PTPRG: variants seen among roughly 807,000 people sequenced by gnomAD.
PTPRG encodes receptor-type tyrosine-protein phosphatase gamma.
Under a neutral mutation model 165.3 loss-of-function variants are expected in PTPRG, and 102 were observed. The observed-to-expected ratio is 0.62, with a 90% CI of 0.53 to 0.73. The LOEUF (loss-of-function observed/expected upper bound fraction) is 0.73. PTPRG is among the 30% of genes least tolerant of loss of function. The probability of loss-of-function intolerance (pLI) is 0.00; values close to 1 mark genes in which losing one functional copy is unlikely to be tolerated. For synonymous variants in PTPRG, 675 were observed against 669.5 expected (o/e 1.01, Z -0.13); for missense variants, 1,866 against 1,861.4 (o/e 1.00, Z -0.05).
intron 5 of PTPRG, among the ~76,000 whole-genome samples, chr3:62,127,179 CT>C (rs900766168): frequency 1.3e-5 from 2 of 152,200 alleles, no homozygotes; most frequent in African/African-American, 4.8e-5. Flanking sequence ...AGGCAGTGAT[CT>C]CTTTCTGGGT....
chr3:61,893,775 C>T (rs376639627), intron 2 of PTPRG, among the ~76,000 whole-genome samples: 37 of 152,234 alleles, frequency 2.4e-4, no homozygotes, highest in African/African-American at 8.2e-4. Flanking sequence ...GATTCTTGAG[C>T]GGGGGCATCC....
intron 1 of PTPRG, among the ~76,000 whole-genome samples, chr3:61,658,386 G>A (rs1309637234): frequency 6.6e-6 from 1 of 152,170 alleles, no homozygotes; most frequent in African/African-American, 2.4e-5. Flanking sequence ...TGGAGTCACA[G>A]TGGAGAGCCT....
At chr3:62,225,662 T>C (rs947685196) in intron 13 of PTPRG, among the ~76,000 whole-genome samples, 1 of 151,888 alleles carries the variant, frequency 6.6e-6, no homozygotes, top group East Asian at 1.9e-4. Context: ...AAAACCTTTT[T>C]TTTTTTTTTT....
At chr3:61,994,774 C>T (rs551951247) in intron 3 of PTPRG, among the ~76,000 whole-genome samples, 1 of 152,246 alleles carries the variant, frequency 6.6e-6, no homozygotes, top group Non-Finnish European at 1.5e-5. Context: ...GTCACTTCCA[C>T]ATGCTATTTC....
At chr3:61,620,668 A>G (rs1000692196) in intron 1 of PTPRG, among the ~76,000 whole-genome samples, 1 of 151,684 alleles carries the variant, frequency 6.6e-6, no homozygotes, top group East Asian at 1.9e-4. Flanking sequence ...CGCTCTTGTC[A>G]CCCAGGCTGG....
chr3:62,047,244 C>T (rs1311586038), intron 4 of PTPRG, among the ~76,000 whole-genome samples: 1 of 56,932 alleles, frequency 1.8e-5, no homozygotes, highest in African/African-American at 5.6e-5. Context: ...GCTGAGCTTC[C>T]TATTATTTAT....
At chr3:62,202,110 C>T (rs967355043) in intron 11 of PTPRG, among the ~76,000 whole-genome samples, 4 of 152,038 alleles carry the variant, frequency 2.6e-5, no homozygotes, top group Non-Finnish European at 5.9e-5. Context: ...CTGTTGTTCC[C>T]GTTTTACAGA....
chr3:61,676,832 C>T (rs1703250510), intron 1 of PTPRG, among the ~76,000 whole-genome samples: 1 of 152,036 alleles, frequency 6.6e-6, no homozygotes, highest in Non-Finnish European at 1.5e-5. Context: ...GAATGTGGAC[C>T]ACCAATTTCT....
intron 2 of PTPRG, among the ~76,000 whole-genome samples, chr3:61,939,510 T>C (rs2039560386): frequency 6.6e-6 from 1 of 152,220 alleles, no homozygotes; most frequent in African/African-American, 2.4e-5. Flanking sequence ...CTGAAGATTT[T>C]ATAAGATTGT....
intron 23 of PTPRG, 147 bp from the exon 24 acceptor site, chr3:62,275,726 G>C (rs1309798243): frequency 6.7e-6 from 4 of 596,256 alleles, no homozygotes; most frequent in East Asian, 3.0e-5. Context: ...CTGGGCAAGA[G>C]AGCAAGACCC....
chr3:62,086,016 A>G (rs544100167), intron 5 of PTPRG, among the ~76,000 whole-genome samples: 2 of 152,322 alleles, frequency 1.3e-5, no homozygotes, highest in African/African-American at 4.8e-5. Flanking sequence ...ATAATGCAAG[A>G]ATTATATCTT....
intron 1 of PTPRG, among the ~76,000 whole-genome samples, chr3:61,694,543 G>C (rs1233641585): frequency 1.3e-5 from 2 of 152,106 alleles, no homozygotes; most frequent in African/African-American, 4.8e-5. Flanking sequence ...CTGACTCAGT[G>C]ATCCCACTTC....
At position 62,237,349 on chromosome 3, in the gene PTPRG, A is replaced by G. The variant is rs970531053; in HGVS notation, c.2375+6038A>G. Among the ~76,000 whole-genome samples the G allele has an allele frequency of 2.0e-5, 3 of 152,146 alleles. No individual in the cohort carries two copies. The highest frequency in any genetic ancestry group is 2.0e-4 in the Admixed American group (3 of 15,278). ...CATTTTGTTTGGGTAGTAAGTCTCT[A>G]TAACTGGAATTTTATTAATACTTAT... On this transcript the variant is annotated intron_variant, in intron 14 of 29. Transcript: ENST00000474889. This position sits in a 1 kb window ranked among gnomAD's most constrained non-coding sequence, Gnocchi z 4.5.
At chr3:62,286,576 A>ATCTTTCC in intron 28 of PTPRG, among the ~76,000 whole-genome samples, 1 of 151,614 alleles carries the variant, frequency 6.6e-6, no homozygotes, top group Non-Finnish European at 1.5e-5. Flanking sequence ...AAAAAACATT[A>ATCTTTCC]CTGTACTTCA....
chr3:62,168,441 G>A (rs895759903), intron 8 of PTPRG, among the ~76,000 whole-genome samples: 29 of 152,320 alleles, frequency 1.9e-4, no homozygotes, highest in African/African-American at 6.5e-4. Flanking sequence ...TCTAGAGAAA[G>A]CTTTCTGAAA....
chr3:61,803,590 C>A (rs1055810571), intron 2 of PTPRG, among the ~76,000 whole-genome samples: 2 of 139,380 alleles, frequency 1.4e-5, no homozygotes, highest in Admixed American at 1.4e-4. Context: ...TTACTGCATA[C>A]TTGATGAGTT....
chr3:61,811,240 T>C (rs2035565602), intron 2 of PTPRG, among the ~76,000 whole-genome samples: 1 of 152,114 alleles, frequency 6.6e-6, no homozygotes, highest in South Asian at 2.1e-4. Flanking sequence ...TTACTTGGCC[T>C]CTCTGTTCTG....
chr3:61,624,705 T>A (rs779231746), intron 1 of PTPRG, among the ~76,000 whole-genome samples: 4 of 152,228 alleles, frequency 2.6e-5, no homozygotes, highest in Non-Finnish European at 4.4e-5. Flanking sequence ...ATGAGCATAA[T>A]AGTACTCACC....
intron 2 of PTPRG, among the ~76,000 whole-genome samples, chr3:61,892,191 G>C (rs1312201082): frequency 6.6e-6 from 1 of 152,166 alleles, no homozygotes; most frequent in Admixed American, 6.5e-5. Context: ...ACTAGTTCAA[G>C]TAGTAGAAAC....
Sources: gnomAD v4.1 joint callset for allele counts (sites outside exome capture counted in the v4.1 genomes callset) on GRCh38, gnomAD v4.1.1 for gene constraint, Gnocchi (gnomAD v3.1) non-coding constraint, MANE v1.5 for transcripts, NCBI Gene and HGNC (gene_info 2026-07-23, HGNC 2026-07-21) for gene names.